MINDY4: variants seen among roughly 807,000 people sequenced by gnomAD.
MINDY4 encodes the protein MINDY lysine 48 deubiquitinase 4.
MINDY4 carries 68 observed loss-of-function variants against 87.0 expected under a neutral mutation model. The observed-to-expected ratio is 0.78, with a 90% CI of 0.64 to 0.96. MINDY4 has a LOEUF of 0.96. Among genes scored for constraint, MINDY4 ranks in the 40% least tolerant of loss-of-function variants. MINDY4 has a pLI of 0.00. For synonymous variants in MINDY4, 379 were observed against 363.2 expected (o/e 1.04, Z -0.50); for missense variants, 919 against 928.2 (o/e 0.99, Z 0.13).
At chr7:30,807,389 A>T (rs1787846463) in intron 5 of MINDY4, among the ~76,000 whole-genome samples, 1 of 152,180 alleles carries the variant, frequency 6.6e-6, no homozygotes, top group South Asian at 2.1e-4. Flanking sequence ...TCCCTAACAG[A>T]TCTCAAGTCA....
chr7:30,866,879 A>G (rs1422884818), intron 13 of MINDY4, among the ~76,000 whole-genome samples: 4 of 152,042 alleles, frequency 2.6e-5, no homozygotes, highest in African/African-American at 9.7e-5. Context: ...TCCTCCTTGC[A>G]GGTCCCTCTT....
intron 3 of MINDY4, among the ~76,000 whole-genome samples, chr7:30,784,155 A>C (rs1392080013): frequency 1.1e-5 from 1 of 94,724 alleles, no homozygotes; most frequent in Non-Finnish European, 2.1e-5. Context: ...ATAAGGGGCT[A>C]TGAAGAAGCT....
intron 5 of MINDY4, among the ~76,000 whole-genome samples, chr7:30,815,817 G>A (rs1788130056): frequency 6.6e-6 from 1 of 152,306 alleles, no homozygotes; most frequent in East Asian, 1.9e-4. Context: ...TGAGAGAAGG[G>A]CAGGGAGGTG....
intron 1 of MINDY4, among the ~76,000 whole-genome samples, chr7:30,772,432 T>C (rs1786673195): frequency 6.6e-6 from 1 of 152,218 alleles, no homozygotes; most frequent in African/African-American, 2.4e-5. Context: ...CTCAGTACTT[T>C]ACTCACTGTC....
intron 2 of MINDY4, 181 bp from the exon 3 acceptor site, chr7:30,781,796 G>A (rs1787014884): frequency 1.7e-6 from 1 of 574,272 alleles, no homozygotes; most frequent in Non-Finnish European, 3.0e-6. Context: ...TTTTGTCTCT[G>A]TGTCCGTACC....
At chr7:30,844,706 C>T (rs1789152058) in intron 9 of MINDY4, among the ~76,000 whole-genome samples, 1 of 152,150 alleles carries the variant, frequency 6.6e-6, no homozygotes, top group Non-Finnish European at 1.5e-5. Flanking sequence ...TGTTGGTGCC[C>T]AGGCTGGGAG....
intron 5 of MINDY4, chr7:30,803,046 C>T (rs4723018): frequency 0.44 from 66,941 of 152,146 alleles, 15,315 homozygotes; most frequent in African/African-American, 0.53. Context: ...ACCAACCCAC[C>T]CAATCAAACC....
At chr7:30,812,346 T>G (rs1030390745) in intron 5 of MINDY4, among the ~76,000 whole-genome samples, 4 of 151,800 alleles carry the variant, frequency 2.6e-5, no homozygotes, top group Non-Finnish European at 4.4e-5. Context: ...TCACTATAAG[T>G]GAAGGGTATA....
At chr7:30,852,363 C>G (rs1789439172) in intron 11 of MINDY4, 84 bp downstream of exon 11, 2 of 1,598,998 alleles carry the variant, frequency 1.3e-6, no homozygotes, top group Non-Finnish European at 1.7e-6. Flanking sequence ...CCTTCCTCAG[C>G]TGGGGACAGG....
At chr7:30,798,402 A>G (rs1040948440) in intron 5 of MINDY4, among the ~76,000 whole-genome samples, 5 of 152,148 alleles carry the variant, frequency 3.3e-5, no homozygotes, top group African/African-American at 1.2e-4. Context: ...CAACTGTAAG[A>G]GGGGGGTTGC....
At position 30,872,319 on chromosome 7, in the gene MINDY4, T is replaced by A; in HGVS notation, c.1809+13T>A. On this transcript the variant is annotated intron_variant, in intron 14 of 17. Coordinates refer to ENST00000265299, the MANE Select transcript of MINDY4 (RefSeq NM_032222.3). ...CTACTGTACACAGGTCAGGGGGCGC[T>A]GTGGGGCCCAGGTGGTCCTTCCCCC... is the stretch of plus-strand genomic sequence containing the variant. 1 of 1,613,316 alleles carries A rather than the reference T, an allele frequency of 6.2e-7. No individual in the cohort carries two copies. Among genetic ancestry groups the A allele is most frequent in the South Asian group, 1.1e-5 (1 of 90,968 alleles).
intron 9 of MINDY4, among the ~76,000 whole-genome samples, chr7:30,844,560 G>A (rs1376649247): frequency 6.6e-6 from 1 of 152,214 alleles, no homozygotes; most frequent in Non-Finnish European, 1.5e-5. Context: ...CGGAAGACCA[G>A]GGAGTGAGGG....
intron 5 of MINDY4, among the ~76,000 whole-genome samples, chr7:30,809,806 A>AG (rs984351962): frequency 4.6e-5 from 7 of 151,808 alleles, no homozygotes; most frequent in African/African-American, 1.5e-4. Context: ...GGGAAAAAAA[A>AG]GGGGGGCAGA....
intron 17 of MINDY4, among the ~76,000 whole-genome samples, chr7:30,883,309 C>T (rs977249546): frequency 2.6e-5 from 4 of 152,146 alleles, no homozygotes; most frequent in Admixed American, 6.5e-5. Flanking sequence ...TGGCAAGTAC[C>T]GTTAGGCCCG....
intron 5 of MINDY4, among the ~76,000 whole-genome samples, chr7:30,791,894 T>TG (rs1411075090): frequency 1.3e-5 from 2 of 152,066 alleles, no homozygotes; most frequent in Non-Finnish European, 2.9e-5. Context: ...AAAAAAAAAT[T>TG]GCAAAAAAAA....
intron 10 of MINDY4, among the ~76,000 whole-genome samples, chr7:30,851,594 C>G (rs1169351329): frequency 6.6e-6 from 1 of 152,202 alleles, no homozygotes; most frequent in Non-Finnish European, 1.5e-5. Context: ...ACTCACCTTC[C>G]AGTTAACTTA....
chr7:30,820,102 C>T (rs940400147), intron 5 of MINDY4, among the ~76,000 whole-genome samples: 2 of 151,168 alleles, frequency 1.3e-5, no homozygotes, highest in East Asian at 1.9e-4. Context: ...GGGGTTTCAC[C>T]GTTTTAGCCG....
intron 5 of MINDY4, among the ~76,000 whole-genome samples, chr7:30,824,704 G>A (rs1788445478): frequency 6.6e-6 from 1 of 151,952 alleles, no homozygotes; most frequent in South Asian, 2.1e-4. Flanking sequence ...CTCCTGAGTA[G>A]CTGGGATTAC....
intron 15 of MINDY4, among the ~76,000 whole-genome samples, chr7:30,877,133 C>T (rs1389492026): frequency 6.6e-6 from 1 of 152,030 alleles, no homozygotes; most frequent in African/African-American, 2.4e-5. Context: ...AGGAGGGAGC[C>T]CAGGAATGTG....
Sources: allele counts gnomAD v4.1 joint callset (sites outside exome capture counted in the v4.1 genomes callset), GRCh38; gene constraint gnomAD v4.1.1; transcripts MANE v1.5; gene names NCBI Gene and HGNC (gene_info 2026-07-23, HGNC 2026-07-21).